The following LYPLAL1 variants were observed in gnomAD, a reference collection of about 807,000 sequenced individuals.
LYPLAL1 encodes the protein lysophospholipase like 1.
LYPLAL1 carries 23 observed loss-of-function variants against 19.7 expected under a neutral mutation model. The observed-to-expected ratio is 1.17, with a 90% CI of 0.84 to 1.65. LYPLAL1 has a LOEUF of 1.65. Ranked by LOEUF, LYPLAL1 falls within the 40% of genes most tolerant of loss-of-function variation. The probability of loss-of-function intolerance (pLI) is 0.00; values close to 1 mark genes in which losing one functional copy is unlikely to be tolerated. For synonymous variants in LYPLAL1, 119 were observed against 96.3 expected (o/e 1.24, Z -1.38); for missense variants, 355 against 279.4 (o/e 1.27, Z -1.93).
downstream of LYPLAL1, among the ~76,000 whole-genome samples, chr1:219,217,642 C>T (rs1354142149): frequency 1.3e-5 from 2 of 151,930 alleles, no homozygotes; most frequent in African/African-American, 4.8e-5. Flanking sequence ...TGGTGATTGC[C>T]CACATATGTG....
the LYPLAL1 span, among the ~76,000 whole-genome samples, chr1:219,427,032 A>G: frequency 1.3e-5 from 2 of 152,256 alleles, no homozygotes; most frequent in Non-Finnish European, 1.5e-5. Context: ...GCCCCATATT[A>G]TAATAATATG....
At chr1:219,441,189 A>G in the LYPLAL1 span, among the ~76,000 whole-genome samples, 6 of 152,260 alleles carry the variant, frequency 3.9e-5, no homozygotes, top group Non-Finnish European at 8.8e-5. Flanking sequence ...ATTTTAGTGT[A>G]TGGAACTTAT....
the LYPLAL1 span, among the ~76,000 whole-genome samples, chr1:219,295,885 C>A: frequency 1.3e-5 from 2 of 152,184 alleles, no homozygotes; most frequent in Non-Finnish European, 1.5e-5. Context: ...AATCCCCCAG[C>A]CTTCTGGCCC....
chr1:219,438,557 C>T, the LYPLAL1 span, among the ~76,000 whole-genome samples: 9 of 152,194 alleles, frequency 5.9e-5, no homozygotes, highest in African/African-American at 2.2e-4. Context: ...AAATTAGTCA[C>T]ATAGTGTTGC....
the LYPLAL1 span, among the ~76,000 whole-genome samples, chr1:219,226,955 A>G: frequency 2.6e-5 from 4 of 152,218 alleles, no homozygotes; most frequent in Non-Finnish European, 4.4e-5. Flanking sequence ...TGATTGTGTT[A>G]TAACAACCAG....
chr1:219,392,175 G>A, the LYPLAL1 span, among the ~76,000 whole-genome samples: 1 of 152,146 alleles, frequency 6.6e-6, no homozygotes, highest in Non-Finnish European at 1.5e-5. Flanking sequence ...CAGAGGTGCT[G>A]CTGTCTTTTA....
At chr1:219,305,491 G>A in the LYPLAL1 span, among the ~76,000 whole-genome samples, 1 of 152,128 alleles carries the variant, frequency 6.6e-6, no homozygotes, top group African/African-American at 2.4e-5. Context: ...ATGTTTTGGG[G>A]TCACAAAATT....
the LYPLAL1 span, among the ~76,000 whole-genome samples, chr1:219,218,141 T>C: frequency 6.6e-6 from 1 of 152,166 alleles, no homozygotes; most frequent in Non-Finnish European, 1.5e-5. Context: ...ATATATTGTT[T>C]ATAGGAAATT....
At chr1:219,395,307 A>G in the LYPLAL1 span, among the ~76,000 whole-genome samples, 1 of 152,100 alleles carries the variant, frequency 6.6e-6, no homozygotes, top group Non-Finnish European at 1.5e-5. Flanking sequence ...ACTTTTTTCA[A>G]ATAGCCATTC....
At chr1:219,332,597 T>C in the LYPLAL1 span, among the ~76,000 whole-genome samples, 2 of 152,148 alleles carry the variant, frequency 1.3e-5, no homozygotes, top group African/African-American at 4.8e-5. Context: ...TTGGCCTTTA[T>C]CATTTTGCCA....
the LYPLAL1 span, among the ~76,000 whole-genome samples, chr1:219,361,799 A>G: frequency 6.6e-6 from 1 of 152,160 alleles, no homozygotes; most frequent in East Asian, 1.9e-4. Flanking sequence ...AAAGAACTTG[A>G]GTCTTAGAGG....
chr1:219,194,126 C>T (rs563522320), intron 3 of LYPLAL1, among the ~76,000 whole-genome samples: 4 of 151,954 alleles, frequency 2.6e-5, no homozygotes, highest in Admixed American at 6.6e-5. Context: ...TCTGTCTTGG[C>T]GTTAGTTTCC....
At chr1:219,298,846 A>G in the LYPLAL1 span, among the ~76,000 whole-genome samples, 1 of 152,196 alleles carries the variant, frequency 6.6e-6, no homozygotes, top group Non-Finnish European at 1.5e-5. Context: ...GACGGAAGGA[A>G]TTTTTATCTG....
the LYPLAL1 span, among the ~76,000 whole-genome samples, chr1:219,226,587 C>T: frequency 2.2e-5 from 3 of 138,804 alleles, no homozygotes; most frequent in Non-Finnish European, 4.9e-5. Context: ...TGGAATAACA[C>T]ATAGAAAAAA....
At chr1:219,354,229 C>T in the LYPLAL1 span, among the ~76,000 whole-genome samples, 1 of 152,122 alleles carries the variant, frequency 6.6e-6, no homozygotes, top group African/African-American at 2.4e-5. Context: ...TGCAGTCTTG[C>T]TCTGTCGCCC....
At chr1:219,422,917 A>T in the LYPLAL1 span, among the ~76,000 whole-genome samples, 4 of 152,160 alleles carry the variant, frequency 2.6e-5, no homozygotes, top group African/African-American at 7.2e-5. Flanking sequence ...CTCAGTTGGT[A>T]ATGGTTTGTT....
At chr1:219,406,485 C>T in the LYPLAL1 span, among the ~76,000 whole-genome samples, 1 of 152,142 alleles carries the variant, frequency 6.6e-6, no homozygotes, top group East Asian at 1.9e-4. Flanking sequence ...ACTTGCATGG[C>T]TTTATTTTCT....
chr1:219,399,105 G>A, the LYPLAL1 span, among the ~76,000 whole-genome samples: 1 of 152,192 alleles, frequency 6.6e-6, no homozygotes, highest in African/African-American at 2.4e-5. Flanking sequence ...AGTGGGTGTG[G>A]GGGTGCCTGC....
the LYPLAL1 span, among the ~76,000 whole-genome samples, chr1:219,353,124 C>G: frequency 1.3e-5 from 2 of 152,242 alleles, no homozygotes; most frequent in East Asian, 3.9e-4. Flanking sequence ...GGATGTAAGC[C>G]TTTCTATCAC....
Sources: gnomAD v4.1 joint callset for allele counts (sites outside exome capture counted in the v4.1 genomes callset) on GRCh38, gnomAD v4.1.1 for gene constraint, MANE v1.5 for transcripts, NCBI Gene and HGNC (gene_info 2026-07-23, HGNC 2026-07-21) for gene names.